Variants in SGCZ observed in about 807,000 individuals in gnomAD.
The protein encoded by SGCZ is zeta-sarcoglycan.
Under a neutral mutation model 41.3 loss-of-function variants are expected in SGCZ, and 40 were observed. The ratio of observed to expected loss-of-function variants is 0.97; its 90% CI spans 0.75 to 1.26. SGCZ has a LOEUF of 1.26. Among genes scored for constraint, SGCZ ranks in the 50% most tolerant of loss-of-function variants. SGCZ has a pLI of 0.00. For missense variants in SGCZ, 552 were observed against 369.8 expected, an observed-to-expected ratio of 1.49 and a Z score of -4.04; for synonymous variants, 206 against 137.5, an observed-to-expected ratio of 1.50 and a Z score of -3.49.
chr8:14,745,730 A>G (rs1362028847), intron 1 of SGCZ, among the ~76,000 whole-genome samples: 1 of 152,086 alleles, frequency 6.6e-6, no homozygotes, highest in Admixed American at 6.6e-5. Flanking sequence ...CCGAGCTACA[A>G]GAAGAAATGA....
At chr8:14,522,220 T>G (rs1010890530) in intron 2 of SGCZ, among the ~76,000 whole-genome samples, 1 of 152,064 alleles carries the variant, frequency 6.6e-6, no homozygotes, top group Non-Finnish European at 1.5e-5. Context: ...TATTGGTTTG[T>G]AGTTTTAGTT....
chr8:14,702,854 TA>T (rs1413922779), intron 1 of SGCZ, among the ~76,000 whole-genome samples: 2 of 146,686 alleles, frequency 1.4e-5, no homozygotes, highest in African/African-American at 5.2e-5. Flanking sequence ...GATAGATAGA[TA>T]GATAGATAGA....
chr8:14,732,190 C>G (rs556891832), intron 1 of SGCZ, among the ~76,000 whole-genome samples: 31 of 152,272 alleles, frequency 2.0e-4, no homozygotes, highest in African/African-American at 7.5e-4. Flanking sequence ...TCTCTTCTAA[C>G]AGCTTTAAAA....
chr8:14,179,493 T>C (rs190824625), intron 4 of SGCZ, among the ~76,000 whole-genome samples: 8 of 152,324 alleles, frequency 5.3e-5, no homozygotes, highest in Non-Finnish European at 4.4e-5. Flanking sequence ...TGTCACAGTC[T>C]GGTTGCACAG....
At chr8:14,282,847 C>T (rs1313559747) in intron 3 of SGCZ, among the ~76,000 whole-genome samples, 28 of 89,894 alleles carry the variant, frequency 3.1e-4, no homozygotes, top group East Asian at 6.9e-4. Context: ...CTTTCAAATA[C>T]TTTTTTTTTT....
intron 1 of SGCZ, among the ~76,000 whole-genome samples, chr8:15,146,521 T>A (rs935793062): frequency 6.6e-6 from 1 of 152,232 alleles, no homozygotes; most frequent in Non-Finnish European, 1.5e-5. Context: ...ACTACAAGAA[T>A]GTACCACTGT....
chr8:14,668,402 A>G (rs937932172), intron 1 of SGCZ, among the ~76,000 whole-genome samples: 4 of 152,222 alleles, frequency 2.6e-5, no homozygotes, highest in Non-Finnish European at 5.9e-5. Context: ...ACTTAAAAAA[A>G]TAAGACCTCA....
chr8:14,272,236 C>T (rs1585305843), intron 3 of SGCZ, among the ~76,000 whole-genome samples: 1 of 152,220 alleles, frequency 6.6e-6, no homozygotes, highest in Admixed American at 6.5e-5. Context: ...ACTCCTGACC[C>T]CAAGGAATCT....
intron 1 of SGCZ, among the ~76,000 whole-genome samples, chr8:15,025,668 T>C (rs1390665124): frequency 6.6e-6 from 1 of 152,146 alleles, no homozygotes; most frequent in Non-Finnish European, 1.5e-5. Context: ...CAAGAAAGGA[T>C]TGAGATTTTG....
chr8:15,069,820 G>C (rs10503528), intron 1 of SGCZ, among the ~76,000 whole-genome samples: 24,783 of 151,970 alleles, frequency 0.16, 2,319 homozygotes, highest in African/African-American at 0.25. Context: ...ATACATCTTT[G>C]ACTTTCTACT....
intron 1 of SGCZ, among the ~76,000 whole-genome samples, chr8:14,681,049 G>A (rs990155531): frequency 6.7e-6 from 1 of 149,664 alleles, no homozygotes; most frequent in Non-Finnish European, 1.5e-5. Flanking sequence ...ATCCATAGAT[G>A]AAATTGCCCT....
At chr8:14,981,137 C>T (rs1042631047) in intron 1 of SGCZ, among the ~76,000 whole-genome samples, 1 of 152,164 alleles carries the variant, frequency 6.6e-6, no homozygotes, top group African/African-American at 2.4e-5. Context: ...TTCCCTTAGC[C>T]TTTCACTGAA....
At chr8:14,869,025 T>C (rs1200189215) in intron 1 of SGCZ, among the ~76,000 whole-genome samples, 1 of 152,138 alleles carries the variant, frequency 6.6e-6, no homozygotes, top group African/African-American at 2.4e-5. Flanking sequence ...GAGGAGCTGG[T>C]ACCATTCCTT....
At chr8:14,781,635 T>C (rs1343478877) in intron 1 of SGCZ, among the ~76,000 whole-genome samples, 13 of 152,206 alleles carry the variant, frequency 8.5e-5, no homozygotes, top group Admixed American at 7.2e-4. Flanking sequence ...TAACATAATA[T>C]ATATAGCAAC....
intron 1 of SGCZ, among the ~76,000 whole-genome samples, chr8:15,010,608 G>A (rs1045345008): frequency 3.3e-5 from 5 of 152,136 alleles, no homozygotes; most frequent in African/African-American, 1.2e-4. Context: ...AACCACATGA[G>A]GGTTGACTGG....
intron 2 of SGCZ, among the ~76,000 whole-genome samples, chr8:14,328,108 T>A (rs1263359665): frequency 2.0e-5 from 3 of 152,208 alleles, no homozygotes; most frequent in Admixed American, 2.0e-4. Flanking sequence ...CCATATTACC[T>A]AGATGAAATG....
intron 3 of SGCZ, among the ~76,000 whole-genome samples, chr8:14,266,283 C>T (rs1367398304): frequency 6.6e-6 from 1 of 152,064 alleles, no homozygotes; most frequent in African/African-American, 2.4e-5. Flanking sequence ...ATATAACAGG[C>T]ATGTTCCTTT....
At chr8:14,091,731 C>T (rs773953881) in intron 7 of SGCZ, among the ~76,000 whole-genome samples, 8 of 151,966 alleles carry the variant, frequency 5.3e-5, no homozygotes, top group Admixed American at 1.3e-4. Flanking sequence ...GGATATTAAC[C>T]GTTTGTCAGA....
In SGCZ at chr8:14,955,772, C is replaced by T. The variant is rs970359875; in HGVS notation, c.39+281813G>A. 3.3e-5 allele frequency among the ~76,000 whole-genome samples: 5 copies of T among 151,964 alleles called. No homozygotes were observed. The South Asian group carries it at 6.2e-4, about 19-fold the overall frequency. On this transcript the variant is annotated intron_variant, in intron 1 of 7. Coordinates refer to ENST00000382080, the MANE Select transcript of SGCZ (RefSeq NM_139167.4). ...TATTTTGGATATAATCCAAATATCA[C>T]TTTTGAATCATGTATATCAACTCAA...
Sources: allele counts gnomAD v4.1 joint callset (sites outside exome capture counted in the v4.1 genomes callset), GRCh38; gene constraint gnomAD v4.1.1; transcripts MANE v1.5; gene names NCBI Gene and HGNC (gene_info 2026-07-23, HGNC 2026-07-21).